SHISAL2B: variants seen among roughly 807,000 people sequenced by gnomAD.
SHISAL2B encodes shisa like 2B, also known as protein shisa-like-2B.
Under a neutral mutation model 16.5 loss-of-function variants are expected in SHISAL2B, and 12 were observed. The observed-to-expected ratio is 0.73, with a 90% CI of 0.47 to 1.18. SHISAL2B has a LOEUF of 1.18. SHISAL2B is among the 50% of genes most tolerant of loss of function. The probability of loss-of-function intolerance (pLI) is 0.00; values close to 1 mark genes in which losing one functional copy is unlikely to be tolerated. For missense variants in SHISAL2B, 183 were observed against 193.6 expected (o/e 0.95, Z 0.33); for synonymous variants, 72 against 75.0 (o/e 0.96, Z 0.21).
intron 2 of SHISAL2B, among the ~76,000 whole-genome samples, chr5:64,697,065 T>C (rs960104291): frequency 2.0e-5 from 3 of 152,232 alleles, no homozygotes; most frequent in African/African-American, 7.2e-5. Flanking sequence ...GGCCCAGCTG[T>C]AAAATTCCTC....
chr5:64,690,954 A>G, intron 1 of SHISAL2B, 140 bp downstream of exon 1: 1 of 698,944 alleles, frequency 1.4e-6, no homozygotes. Flanking sequence ...AAGGACGCGG[A>G]GCCTCTGAGG....
chr5:64,714,783 G>A (rs1252094998), intron 2 of SHISAL2B, among the ~76,000 whole-genome samples: 4 of 152,108 alleles, frequency 2.6e-5, no homozygotes, highest in Non-Finnish European at 4.4e-5. Context: ...CGCAATATTC[G>A]GGTGGGAGTG....
At chr5:64,691,807 T>G (rs1451657249) in intron 1 of SHISAL2B, among the ~76,000 whole-genome samples, 1 of 152,172 alleles carries the variant, frequency 6.6e-6, no homozygotes, top group Non-Finnish European at 1.5e-5. Flanking sequence ...CCACCTTAAA[T>G]TGTTTTGTAC....
chr5:64,713,581 T>C (rs1438861864), intron 2 of SHISAL2B, among the ~76,000 whole-genome samples: 1 of 98,124 alleles, frequency 1.0e-5, no homozygotes, highest in Admixed American at 9.5e-5. Flanking sequence ...ATCTGAACGT[T>C]GGCCTGCCTT....
At chr5:64,693,956 C>T in intron 1 of SHISAL2B, 1 of 365,016 alleles carries the variant, frequency 2.7e-6, no homozygotes, top group Non-Finnish European at 5.4e-6. Context: ...CAGGGGTGCT[C>T]TACCTCCTGA....
intron 2 of SHISAL2B, among the ~76,000 whole-genome samples, chr5:64,714,872 T>C (rs1409882968): frequency 2.6e-5 from 4 of 152,218 alleles, no homozygotes; most frequent in African/African-American, 7.2e-5. Context: ...GCTTCCCAGG[T>C]GAGGCAATGC....
At chr5:64,717,746 TAACTC>T (rs2112077497) in intron 2 of SHISAL2B, 138 bp from the exon 3 acceptor site, 4 of 619,166 alleles carry the variant, frequency 6.5e-6, no homozygotes, top group African/African-American at 1.9e-5. Context: ...CACTTCAAAA[TAACTC>T]AATTCTCACT....
chr5:64,696,960 A>G (rs1266601079), intron 2 of SHISAL2B, among the ~76,000 whole-genome samples: 1 of 151,384 alleles, frequency 6.6e-6, no homozygotes, highest in East Asian at 1.9e-4. Context: ...CTATTCGTAT[A>G]CCCCCTCCCC....
chr5:64,711,366 C>A (rs1004629547), intron 2 of SHISAL2B, among the ~76,000 whole-genome samples: 2 of 150,010 alleles, frequency 1.3e-5, no homozygotes, highest in Non-Finnish European at 2.9e-5. Context: ...ATTGAACCAG[C>A]CTTGCATCCC....
chr5:64,705,389 G>C (rs1360373678), intron 2 of SHISAL2B, among the ~76,000 whole-genome samples: 1 of 152,096 alleles, frequency 6.6e-6, no homozygotes, highest in African/African-American at 2.4e-5. Context: ...AATTGGTTAT[G>C]ACAAAACACC....
At chr5:64,698,744 A>G (rs1462270209) in intron 2 of SHISAL2B, among the ~76,000 whole-genome samples, 1 of 152,184 alleles carries the variant, frequency 6.6e-6, no homozygotes, top group East Asian at 1.9e-4. Context: ...TAAGTTCCAG[A>G]AAAGTAGGAG....
At chr5:64,704,344 A>G (rs1269924794) in intron 2 of SHISAL2B, among the ~76,000 whole-genome samples, 1 of 152,270 alleles carries the variant, frequency 6.6e-6, no homozygotes, top group Admixed American at 6.5e-5. Context: ...TATCAGAAAA[A>G]TTATGTTGGC....
intron 2 of SHISAL2B, among the ~76,000 whole-genome samples, chr5:64,697,859 T>A (rs1335086047): frequency 6.6e-6 from 1 of 152,226 alleles, no homozygotes; most frequent in Non-Finnish European, 1.5e-5. Context: ...TTCTGTGACC[T>A]TATCAAATAC....
At position 64,704,871 on chromosome 5, in the gene SHISAL2B, C is replaced by T. The variant is rs142215255; in HGVS notation, c.349+9207C>T. On this transcript the variant is annotated intron_variant, in intron 2 of 2. Transcript: ENST00000389074. ...GGACTGTATTATCACTATAGCTCCA[C>T]TAAGTGCAGTTATTTCCCAATATGT... 4.0e-3 allele frequency among the ~76,000 whole-genome samples: 612 copies of T among 152,320 alleles called. 2 individuals are homozygous for T. Among genetic ancestry groups the T allele is most frequent in the African/African-American group, 0.014 (570 of 41,582 alleles).
chr5:64,696,290 T>C (rs893042481), intron 2 of SHISAL2B, among the ~76,000 whole-genome samples: 1 of 152,236 alleles, frequency 6.6e-6, no homozygotes. Flanking sequence ...TGAGAATGTA[T>C]GTCACCTCAG....
At chr5:64,698,620 C>T (rs1741769742) in intron 2 of SHISAL2B, among the ~76,000 whole-genome samples, 1 of 152,200 alleles carries the variant, frequency 6.6e-6, no homozygotes, top group African/African-American at 2.4e-5. Context: ...TTTTAACTCC[C>T]TTTCAACATT....
chr5:64,695,721 T>G, intron 2 of SHISAL2B, 57 bp downstream of exon 2: 1 of 1,282,702 alleles, frequency 7.8e-7, no homozygotes, highest in Non-Finnish European at 1.0e-6. Context: ...AAAGAATAAC[T>G]TGTACCTGGG....
chr5:64,717,551 A>G (rs1742074673), intron 2 of SHISAL2B, among the ~76,000 whole-genome samples: 1 of 152,204 alleles, frequency 6.6e-6, no homozygotes, highest in Admixed American at 6.5e-5. Context: ...GCTTTAGTGT[A>G]GTTTATGCAT....
At chr5:64,708,961 A>AT (rs1246850615) in intron 2 of SHISAL2B, among the ~76,000 whole-genome samples, 1 of 152,026 alleles carries the variant, frequency 6.6e-6, no homozygotes, top group Non-Finnish European at 1.5e-5. Context: ...TTCTAATATT[A>AT]GCCTAGAGAT....
Sources: allele counts gnomAD v4.1 joint callset (sites outside exome capture counted in the v4.1 genomes callset), GRCh38; gene constraint gnomAD v4.1.1; transcripts MANE v1.5; gene names NCBI Gene and HGNC (gene_info 2026-07-23, HGNC 2026-07-21).